NCKAP1: variants seen among roughly 807,000 people sequenced by gnomAD.
NCKAP1 encodes the protein nck-associated protein 1.
In NCKAP1, 21 loss-of-function variants were observed where a neutral mutation model predicts 151.2. The ratio of observed to expected loss-of-function variants is 0.14; its 90% CI spans 0.10 to 0.20. NCKAP1 has a LOEUF of 0.20. Among genes scored for constraint, NCKAP1 ranks in the 10% least tolerant of loss-of-function variants. The pLI, the probability that NCKAP1 is intolerant of heterozygous loss-of-function variation, is 1.00. For missense variants in NCKAP1, 933 were observed against 1,352.1 expected (o/e 0.69, Z 4.86); for synonymous variants, 484 against 451.8 (o/e 1.07, Z -0.90).
chr2:182,934,996 A>C (rs1370271950), intron 25 of NCKAP1, among the ~76,000 whole-genome samples, 164 bp from the exon 26 acceptor site: 1 of 152,182 alleles, frequency 6.6e-6, no homozygotes, highest in Non-Finnish European at 1.5e-5. Context: ...AATTAAATGG[A>C]TTCAAAATAA....
rs565846304 is a variant in NCKAP1, at chr2:182,912,948, C to T, written c.*12754G>A. ...TTATGTTTTTGCTAATGGCATCATA[C>T]TAATTTTCCAATGCATTCACCTATC... On this transcript the variant is annotated 3_prime_UTR_variant, in exon 31 of 31. Coordinates refer to ENST00000361354, the MANE Select transcript of NCKAP1 (RefSeq NM_013436.5). 1 of 152,100 alleles carries T rather than the reference C, an allele frequency of 6.6e-6. No individual in the cohort carries two copies. The highest frequency in any genetic ancestry group is 2.4e-5 in the African/African-American group (1 of 41,570). The allele number at this position is 152,100 out of a possible 1,614,324, so 9.4% of individuals were successfully genotyped here.
intron 17 of NCKAP1, 47 bp from the exon 18 acceptor site, chr2:182,962,325 C>A: frequency 1.3e-6 from 2 of 1,496,474 alleles, no homozygotes; most frequent in Non-Finnish European, 1.8e-6. Flanking sequence ...AAAGAAAGTA[C>A]GTTGAATTAA....
At position 183,036,819 on chromosome 2, in the gene NCKAP1, GA is replaced by G. The variant is rs34581087; in HGVS notation, c.108+1172del. Among the ~76,000 whole-genome samples the G allele has an allele frequency of 7.3e-3, 1,014 of 138,368 alleles. 25 individuals are homozygous for G. The highest frequency in any genetic ancestry group is 0.026 in the East Asian group (117 of 4,488). 90.8% of individuals were successfully genotyped at this position (138,368 alleles called of 152,430 possible). On this transcript the variant is annotated intron_variant, in intron 1 of 30. Transcript: ENST00000361354. ...AAACGCTTGGAAATGAATTTCCAAAGAAAAAAAAAAAAACCTTTCTTCAGAA... is the reference window on the plus strand; with the variant it reads ...AAACGCTTGGAAATGAATTTCCAAAGAAAAAAAAAAAACCTTTCTTCAGAA...
At chr2:182,993,303 C>G (rs1195289503) in intron 8 of NCKAP1, among the ~76,000 whole-genome samples, 4 of 152,098 alleles carry the variant, frequency 2.6e-5, no homozygotes, top group Non-Finnish European at 1.5e-5. Flanking sequence ...GAAATTTTTT[C>G]CCGTATTTTA....
intron 1 of NCKAP1, among the ~76,000 whole-genome samples, chr2:183,031,093 T>G (rs567738344): frequency 2.0e-5 from 3 of 152,212 alleles, no homozygotes; most frequent in Non-Finnish European, 4.4e-5. Flanking sequence ...AATAACTACC[T>G]CTTAATTGGA....
intron 10 of NCKAP1, among the ~76,000 whole-genome samples, 165 bp downstream of exon 10, chr2:182,986,006 G>A (rs1575048360): frequency 6.6e-6 from 1 of 152,050 alleles, no homozygotes; most frequent in East Asian, 1.9e-4. Context: ...CTAATTCCAA[G>A]GTTCTACATA....
At chr2:183,011,607 T>C (rs1698591416) in intron 2 of NCKAP1, among the ~76,000 whole-genome samples, 1 of 152,252 alleles carries the variant, frequency 6.6e-6, no homozygotes, top group South Asian at 2.1e-4. Context: ...TTCCTTTTAA[T>C]TGGTGAGTAG....
intron 8 of NCKAP1, among the ~76,000 whole-genome samples, chr2:182,990,317 T>C (rs1305240368): frequency 6.6e-6 from 1 of 151,980 alleles, no homozygotes; most frequent in Non-Finnish European, 1.5e-5. Context: ...GGATTACAGG[T>C]ATGAGCAACT....
chr2:182,978,723 G>T, intron 14 of NCKAP1, 111 bp downstream of exon 14: 1 of 532,960 alleles, frequency 1.9e-6, no homozygotes, highest in Non-Finnish European at 3.0e-6. Flanking sequence ...ACAAAATTAA[G>T]ATAAAAGATA....
At chr2:182,966,943 T>C (rs1009487460) in intron 16 of NCKAP1, among the ~76,000 whole-genome samples, 4 of 152,172 alleles carry the variant, frequency 2.6e-5, no homozygotes, top group Non-Finnish European at 4.4e-5. Flanking sequence ...TTAAGGTAAT[T>C]TGGAGTGACT....
intron 1 of NCKAP1, among the ~76,000 whole-genome samples, chr2:183,033,600 T>C (rs1479978708): frequency 6.6e-6 from 1 of 152,116 alleles, no homozygotes; most frequent in Non-Finnish European, 1.5e-5. Context: ...AAACGAAGAG[T>C]AAATGAATAA....
chr2:182,994,296 T>C (rs1254012630), intron 8 of NCKAP1, among the ~76,000 whole-genome samples: 1 of 152,136 alleles, frequency 6.6e-6, no homozygotes. Flanking sequence ...ATCTTGTCTT[T>C]GTCACTCACT....
At chr2:182,998,430 T>C (rs1698312287) in intron 6 of NCKAP1, among the ~76,000 whole-genome samples, 1 of 152,152 alleles carries the variant, frequency 6.6e-6, no homozygotes, top group African/African-American at 2.4e-5. Flanking sequence ...TATAATTCTA[T>C]ACCTAGAAAA....
At chr2:183,005,679 C>T (rs1157250735) in intron 2 of NCKAP1, among the ~76,000 whole-genome samples, 1 of 152,152 alleles carries the variant, frequency 6.6e-6, no homozygotes, top group African/African-American at 2.4e-5. Flanking sequence ...TCAAAACAGT[C>T]TAGCTTTCAA....
chr2:182,948,860 T>C (rs1039788446), intron 23 of NCKAP1, among the ~76,000 whole-genome samples: 7 of 152,152 alleles, frequency 4.6e-5, no homozygotes, highest in Admixed American at 2.0e-4. Flanking sequence ...GTATCCAGAA[T>C]AGATAAATGT....
intron 29 of NCKAP1, 52 bp from the exon 30 acceptor site, chr2:182,926,957 G>A (rs745652266): frequency 3.2e-6 from 4 of 1,258,018 alleles, no homozygotes; most frequent in Non-Finnish European, 4.6e-6. Flanking sequence ...AGGTTCATCG[G>A]TTACTTATTT....
chr2:183,008,238 T>C (rs1698518794), intron 2 of NCKAP1, among the ~76,000 whole-genome samples: 1 of 152,182 alleles, frequency 6.6e-6, no homozygotes, highest in African/African-American at 2.4e-5. Context: ...ACAGTGAACA[T>C]TTTAAAGCAA....
chr2:182,939,522 C>G (rs1278575139), intron 24 of NCKAP1, among the ~76,000 whole-genome samples: 1 of 151,374 alleles, frequency 6.6e-6, no homozygotes, highest in Non-Finnish European at 1.5e-5. Context: ...AGCAAGGCTC[C>G]GTCTCAAAAA....
At chr2:182,970,090 A>AC (rs1235175923) in intron 15 of NCKAP1, among the ~76,000 whole-genome samples, 5 of 152,200 alleles carry the variant, frequency 3.3e-5, no homozygotes, top group Non-Finnish European at 7.3e-5. Flanking sequence ...AAGGACCAGT[A>AC]ATAAGTAATG....
Sources: allele counts gnomAD v4.1 joint callset (sites outside exome capture counted in the v4.1 genomes callset), GRCh38; gene constraint gnomAD v4.1.1; transcripts MANE v1.5; gene names NCBI Gene and HGNC (gene_info 2026-07-23, HGNC 2026-07-21).